The following CACNA1A variants were observed in gnomAD, a reference collection of about 807,000 sequenced individuals.
CACNA1A encodes voltage-dependent P/Q-type calcium channel subunit alpha-1A.
A neutral mutation model predicts 262.4 loss-of-function variants in CACNA1A; 57 were observed. That is an observed-to-expected ratio of 0.22 (90% CI 0.18 to 0.27). CACNA1A has a LOEUF of 0.27. Ranked by LOEUF, CACNA1A falls within the 10% of genes least tolerant of loss-of-function variation. The pLI is 1.00. For missense variants in CACNA1A, 2,526 were observed against 3,562.8 expected, an observed-to-expected ratio of 0.71 and a Z score of 7.41; for synonymous variants, 1,431 against 1,419.3, an observed-to-expected ratio of 1.01 and a Z score of -0.18.
Position 13,322,550 on chromosome 19 carries a change from G to A in CACNA1A, c.1346-5229C>T, listed in dbSNP as rs1028559163. ...CCTGTGTTATTAAAATGATGTAAAT[G>A]GATCCCCGTTTCCCCACATCCTTGC... is the stretch of plus-strand genomic sequence containing the variant. On this transcript the variant is annotated intron_variant, in intron 10 of 46. Transcript: ENST00000360228. Among the ~76,000 whole-genome samples, 8 of 151,740 alleles carry A rather than the reference G, an allele frequency of 5.3e-5. No individual in the cohort carries two copies. In the East Asian group the frequency reaches 1.4e-3, roughly 26 times the overall value.
chr19:13,241,554 GAGCGGGC>G lies in CACNA1A; in HGVS notation c.4950+3621_4950+3627del. Reference sequence around the variant, plus strand: ...AGATGCAGATGTTGAAGATGAGGGGGAGCGGGCGGGCGGGGGCAGTTGGGGAGGCGTG... The same window carrying G: ...AGATGCAGATGTTGAAGATGAGGGGGGGGCGGGGGCAGTTGGGGAGGCGTG... On this transcript the variant is annotated intron_variant, in intron 31 of 46. Coordinates refer to ENST00000360228, the MANE Select transcript of CACNA1A (RefSeq NM_001127222.2). This position sits in a 1 kb window ranked among gnomAD's most constrained non-coding sequence, Gnocchi z 4.0. The G allele has an allele frequency of 8.2e-7, 1 of 1,224,130 alleles. No homozygotes were observed. Among genetic ancestry groups the G allele is most frequent in the Non-Finnish European group, 1.2e-6 (1 of 859,610 alleles). 75.8% of individuals were successfully genotyped at this position (1,224,130 alleles called of 1,614,324 possible). A position where few individuals can be genotyped will look rare whatever the true frequency, so the allele number is the denominator to read the frequency against.
At chr19:13,412,461 T>C (rs11667094) in intron 3 of CACNA1A, among the ~76,000 whole-genome samples, 112,400 of 151,362 alleles carry the variant, frequency 0.74, 42,854 homozygotes, top group South Asian at 0.88. Context: ...AATATATTTA[T>C]AACCTTTCTT....
intron 1 of CACNA1A, among the ~76,000 whole-genome samples, chr19:13,464,883 C>CCTTTT (rs1186201147): frequency 1.3e-5 from 2 of 151,550 alleles, no homozygotes; most frequent in East Asian, 3.9e-4. Flanking sequence ...GGTCTTGGTT[C>CCTTTT]CTTTTCTTTT....
intron 1 of CACNA1A, among the ~76,000 whole-genome samples, chr19:13,457,858 A>G (rs1013456618): frequency 3.4e-5 from 5 of 145,596 alleles, no homozygotes; most frequent in African/African-American, 1.4e-4. Flanking sequence ...CGTTTCAAAA[A>G]AAAAAAAAAA....
chr19:13,259,453 T>G, intron 27 of CACNA1A, 111 bp downstream of exon 27: 7 of 1,008,916 alleles, frequency 6.9e-6, no homozygotes, highest in African/African-American at 1.6e-5. Flanking sequence ...ATTACAGGCG[T>G]GAGCCACCAT....
intron 3 of CACNA1A, among the ~76,000 whole-genome samples, chr19:13,426,044 C>T (rs550687270): frequency 2.0e-5 from 3 of 151,952 alleles, no homozygotes; most frequent in African/African-American, 4.8e-5. Flanking sequence ...GGCAACCAAG[C>T]GAGACTCTGT....
chr19:13,368,778 C>T (rs565819763), intron 4 of CACNA1A, among the ~76,000 whole-genome samples: 2 of 129,298 alleles, frequency 1.5e-5, no homozygotes, highest in African/African-American at 4.4e-5. Flanking sequence ...GTGGCTCACG[C>T]CTGTAATCCC....
At chr19:13,439,557 G>A (rs1442698376) in intron 3 of CACNA1A, among the ~76,000 whole-genome samples, 7 of 150,776 alleles carry the variant, frequency 4.6e-5, no homozygotes, top group Non-Finnish European at 8.8e-5. Context: ...CCGCCATCAT[G>A]CCTGGCTAAT....
At position 13,406,465 on chromosome 19, in the gene CACNA1A, T is replaced by TTATA. The variant is rs61273249; in HGVS notation, c.540-34690_540-34687dup. ...GGGAGACTCTGTCTCAAAAAAAAAATTATATATATATATATATATATATAT... is the reference window on the plus strand; with the variant it reads ...GGGAGACTCTGTCTCAAAAAAAAAATTATATATATATATATATATATATATATAT... On this transcript the variant is annotated intron_variant, in intron 3 of 46. Coordinates refer to ENST00000360228, the MANE Select transcript of CACNA1A (RefSeq NM_001127222.2). Among the ~76,000 whole-genome samples the TTATA allele has an allele frequency of 7.1e-3, 224 of 31,532 alleles. 11 individuals are homozygous for TTATA. The highest frequency in any genetic ancestry group is 0.012 in the Non-Finnish European group (164 of 13,234). 20.7% of individuals were successfully genotyped at this position (31,532 alleles called of 152,430 possible).
intron 17 of CACNA1A, among the ~76,000 whole-genome samples, 162 bp downstream of exon 17, chr19:13,303,384 G>A (rs368286875): frequency 3.9e-5 from 6 of 152,038 alleles, no homozygotes; most frequent in Admixed American, 6.5e-5. Context: ...TTCTGGGAGT[G>A]GGGGGAGAGG....
chr19:13,292,107 T>C (rs1185767465), intron 19 of CACNA1A, among the ~76,000 whole-genome samples: 4 of 152,280 alleles, frequency 2.6e-5, no homozygotes, highest in African/African-American at 7.2e-5. Flanking sequence ...CTGTCCTCCA[T>C]AGATTTTTAC....
rs4926143 is a variant in CACNA1A at position 13,214,919 on chromosome 19, C to T, written c.5732-311G>A. ...GTTATCGGCTGCATGACTTAGGTTA[C>T]TCTACCACTTAGTAACTCAGTTTCT... On this transcript the variant is annotated intron_variant, in intron 38 of 46. Coordinates refer to ENST00000360228, the MANE Select transcript of CACNA1A (RefSeq NM_001127222.2). This position sits in a 1 kb window ranked among gnomAD's most constrained non-coding sequence, Gnocchi z 4.1. 294,335 of 359,836 alleles carry T rather than the reference C, an allele frequency of 0.82. 121,489 individuals carry two copies. The highest frequency in any genetic ancestry group is 0.91 in the Middle Eastern group (1,139 of 1,246). The allele number at this position is 359,836 out of a possible 1,614,324, so 22.3% of individuals were successfully genotyped here. A position where few individuals can be genotyped will look rare whatever the true frequency, so the allele number is the denominator to read the frequency against.
chr19:13,336,074 G>A (rs1031890148), intron 6 of CACNA1A, among the ~76,000 whole-genome samples, 165 bp from the exon 7 acceptor site: 7 of 152,132 alleles, frequency 4.6e-5, no homozygotes, highest in Non-Finnish European at 8.8e-5. Context: ...ATGGAGGAAC[G>A]TTTTCTGAAG....
At chr19:13,392,233 AAAAG>A (rs1226919252) in intron 3 of CACNA1A, among the ~76,000 whole-genome samples, 1 of 152,074 alleles carries the variant, frequency 6.6e-6, no homozygotes, top group African/African-American at 2.4e-5. Flanking sequence ...AAGAAAAGAA[AAAAG>A]AAAGAAAGAG....
chr19:13,228,403 T>G (rs1037049713), intron 36 of CACNA1A, among the ~76,000 whole-genome samples: 1 of 151,580 alleles, frequency 6.6e-6, no homozygotes, highest in South Asian at 2.1e-4. Context: ...CCCCAGGGGA[T>G]GTATCTGATT....
At chr19:13,342,169 G>C (rs574307124) in intron 6 of CACNA1A, among the ~76,000 whole-genome samples, 4 of 152,074 alleles carry the variant, frequency 2.6e-5, no homozygotes, top group African/African-American at 9.6e-5. Context: ...GTGGTGGAAG[G>C]CTGGGTGCAG....
chr19:13,263,070 C>A (rs2056774947), intron 24 of CACNA1A: 2 of 524,286 alleles, frequency 3.8e-6, no homozygotes, highest in East Asian at 3.4e-5. Context: ...TGGTTGAGGG[C>A]CCTTTGCCAT....
At chr19:13,350,874 T>C (rs1309636350) in intron 6 of CACNA1A, among the ~76,000 whole-genome samples, 1 of 152,132 alleles carries the variant, frequency 6.6e-6, no homozygotes, top group Admixed American at 6.6e-5. Context: ...TGATGGTATG[T>C]GCTTACAGCC....
At chr19:13,284,679 C>T (rs888194684) in intron 21 of CACNA1A, 32 of 184,372 alleles carry the variant, frequency 1.7e-4, no homozygotes, top group Admixed American at 1.7e-3. Flanking sequence ...AGGGCTGCCA[C>T]GTGCAGTTGT....
Sources: allele counts gnomAD v4.1 joint callset (sites outside exome capture counted in the v4.1 genomes callset), GRCh38; gene constraint gnomAD v4.1.1; non-coding constraint Gnocchi (gnomAD v3.1); transcripts MANE v1.5; gene names NCBI Gene and HGNC (gene_info 2026-07-23, HGNC 2026-07-21).